The following KCNK2 variants were observed in gnomAD, a reference collection of about 807,000 sequenced individuals.
The protein encoded by KCNK2 is potassium channel subfamily K member 2.
KCNK2 carries 21 observed loss-of-function variants against 40.5 expected under a neutral mutation model. The observed-to-expected ratio is 0.52, with a 90% CI of 0.37 to 0.75. The LOEUF (loss-of-function observed/expected upper bound fraction) is 0.75, where lower values mean the gene tolerates loss of function less well. Among genes scored for constraint, KCNK2 ranks in the 30% least tolerant of loss-of-function variants. The pLI is 0.00. For missense variants in KCNK2, 399 were observed against 531.6 expected (o/e 0.75, Z 2.45); for synonymous variants, 191 against 202.2 (o/e 0.94, Z 0.47).
intron 1 of KCNK2, among the ~76,000 whole-genome samples, chr1:215,021,061 G>A (rs1037013430): frequency 6.6e-6 from 1 of 152,144 alleles, no homozygotes; most frequent in African/African-American, 2.4e-5. Flanking sequence ...AATGATGGAT[G>A]AGAGTTGGAT....
At chr1:215,192,118 A>AAGTTATCC (rs2102661237) in intron 5 of KCNK2, among the ~76,000 whole-genome samples, 1 of 152,296 alleles carries the variant, frequency 6.6e-6, no homozygotes, top group African/African-American at 2.4e-5. Flanking sequence ...TTTTCTTAGC[A>AAGTTATCC]AGTTATCCTG....
rs372814182 is a variant in KCNK2, at chr1:215,137,985, C to T, written c.475+13235C>T. 6.6e-5 allele frequency among the ~76,000 whole-genome samples: 10 copies of T among 152,174 alleles called. No homozygotes were observed. The East Asian group carries it at 1.4e-3, about 21-fold the overall frequency. On this transcript the variant is annotated intron_variant, in intron 3 of 6. Coordinates refer to ENST00000444842, the MANE Select transcript of KCNK2 (RefSeq NM_001017425.3). ...GATTCTCAAAGGGGTCCATAAACCA[C>T]AAAAGGGTTTAGAACCATTGGCTTG...
chr1:215,205,218 G>T (rs989700179), intron 6 of KCNK2, among the ~76,000 whole-genome samples: 1 of 152,062 alleles, frequency 6.6e-6, no homozygotes, highest in Non-Finnish European at 1.5e-5. Flanking sequence ...GGATTTGTGG[G>T]CAGAATTCAT....
At chr1:215,034,826 A>G (rs1657330325) in intron 1 of KCNK2, among the ~76,000 whole-genome samples, 2 of 152,254 alleles carry the variant, frequency 1.3e-5, no homozygotes, top group South Asian at 4.1e-4. Flanking sequence ...TTACTAACCC[A>G]TGTACATACA....
At chr1:215,026,277 A>G (rs1184856930) in intron 1 of KCNK2, among the ~76,000 whole-genome samples, 1 of 151,990 alleles carries the variant, frequency 6.6e-6, no homozygotes, top group Non-Finnish European at 1.5e-5. Context: ...TGCATTGCAA[A>G]CATGTTTCCT....
intron 6 of KCNK2, among the ~76,000 whole-genome samples, chr1:215,202,991 ATTC>A (rs1665141670): frequency 6.6e-6 from 1 of 150,428 alleles, no homozygotes; most frequent in Admixed American, 6.6e-5. Context: ...ATCCTCCCCC[ATTC>A]TTCTCCTCCC....
intron 5 of KCNK2, among the ~76,000 whole-genome samples, chr1:215,185,288 T>C (rs1322849811): frequency 6.6e-6 from 1 of 152,196 alleles, no homozygotes; most frequent in Non-Finnish European, 1.5e-5. Context: ...TTAACTTATA[T>C]ATTTTTGTGG....
At chr1:215,157,230 G>A (rs1476098752) in intron 3 of KCNK2, among the ~76,000 whole-genome samples, 2 of 152,150 alleles carry the variant, frequency 1.3e-5, no homozygotes, top group Non-Finnish European at 2.9e-5. Context: ...ATTATACTGA[G>A]CTTTAAGGCT....
intron 6 of KCNK2, among the ~76,000 whole-genome samples, chr1:215,224,259 C>A (rs111753032): frequency 1.0e-3 from 159 of 152,118 alleles, no homozygotes; most frequent in African/African-American, 3.7e-3. Flanking sequence ...AAGTGGGTAA[C>A]CCCACTTAGA....
At chr1:215,007,037 A>ATGTGTGTGTGTGTGTGTGTGTGTG (rs1214318973) in intron 1 of KCNK2, among the ~76,000 whole-genome samples, 2 of 51,602 alleles carry the variant, frequency 3.9e-5, no homozygotes, top group South Asian at 1.1e-3. Flanking sequence ...ATATATATAT[A>ATGTGTGTGTGTGTGTGTGTGTGTG]TGTGTGTGTG....
chr1:215,189,965 A>G (rs1214202462), intron 5 of KCNK2, among the ~76,000 whole-genome samples: 1 of 152,178 alleles, frequency 6.6e-6, no homozygotes, highest in Non-Finnish European at 1.5e-5. Flanking sequence ...AATGATCCCT[A>G]CTTTCTTTAA....
chr1:215,125,739 A>AATATAT (rs66622204), intron 3 of KCNK2, among the ~76,000 whole-genome samples: 427 of 124,026 alleles, frequency 3.4e-3, no homozygotes, highest in South Asian at 9.1e-3. Context: ...AAGTATAATA[A>AATATAT]ATATATATAT....
intron 2 of KCNK2, among the ~76,000 whole-genome samples, chr1:215,097,471 C>T (rs1014747808): frequency 4.1e-5 from 6 of 146,032 alleles, no homozygotes; most frequent in Admixed American, 3.5e-4. Context: ...TTGGCTATGG[C>T]TTCCTTTTGG....
At chr1:215,192,884 G>A (rs1664723770) in intron 5 of KCNK2, among the ~76,000 whole-genome samples, 1 of 152,158 alleles carries the variant, frequency 6.6e-6, no homozygotes, top group Non-Finnish European at 1.5e-5. Flanking sequence ...AAAGCTGAAC[G>A]ATGCCTATTC....
chr1:215,064,307 G>T (rs77441465), intron 1 of KCNK2, among the ~76,000 whole-genome samples: 1 of 150,780 alleles, frequency 6.6e-6, no homozygotes, highest in Non-Finnish European at 1.5e-5. Context: ...TGCCTCGGGG[G>T]TGTGTGTGTG....
intron 1 of KCNK2, among the ~76,000 whole-genome samples, chr1:215,085,059 A>C (rs1659370654): frequency 6.6e-6 from 1 of 152,248 alleles, no homozygotes. Flanking sequence ...GTAGGTAGCC[A>C]TGTGAAAACT....
chr1:215,134,133 G>T (rs567781551), intron 3 of KCNK2, among the ~76,000 whole-genome samples: 1 of 152,138 alleles, frequency 6.6e-6, no homozygotes, highest in Non-Finnish European at 1.5e-5. Flanking sequence ...CTCCCACTGT[G>T]TTCTTACGAC....
At chr1:215,026,010 A>G (rs1656987230) in intron 1 of KCNK2, among the ~76,000 whole-genome samples, 1 of 152,070 alleles carries the variant, frequency 6.6e-6, no homozygotes, top group South Asian at 2.1e-4. Context: ...ATCCCTACCA[A>G]CAGTGTTATC....
intron 6 of KCNK2, among the ~76,000 whole-genome samples, chr1:215,200,322 C>T (rs549052629): frequency 3.3e-5 from 5 of 152,284 alleles, no homozygotes; most frequent in African/African-American, 1.2e-4. Flanking sequence ...CATTTGGTCT[C>T]CTCTAAATTT....
Sources: allele counts gnomAD v4.1 joint callset (sites outside exome capture counted in the v4.1 genomes callset), GRCh38; gene constraint gnomAD v4.1.1; transcripts MANE v1.5; gene names NCBI Gene and HGNC (gene_info 2026-07-23, HGNC 2026-07-21).